CENPC: variants seen among roughly 807,000 people sequenced by gnomAD.
The protein encoded by CENPC is CENP-C 1.
A neutral mutation model predicts 112.1 loss-of-function variants in CENPC; 63 were observed. That is an observed-to-expected ratio of 0.56 (90% CI 0.46 to 0.69). The LOEUF (loss-of-function observed/expected upper bound fraction) is 0.69, where lower values mean the gene tolerates loss of function less well. CENPC is among the 30% of genes least tolerant of loss of function. CENPC has a pLI of 0.00. For missense variants in CENPC, 1,000 were observed against 1,103.8 expected, an observed-to-expected ratio of 0.91 and a Z score of 1.33; for synonymous variants, 333 against 367.6, an observed-to-expected ratio of 0.91 and a Z score of 1.08.
At chr4:67,500,289 T>G (rs777512938) in intron 12 of CENPC, among the ~76,000 whole-genome samples, 2 of 152,170 alleles carry the variant, frequency 1.3e-5, no homozygotes, top group African/African-American at 4.8e-5. Context: ...AAGGTATGCC[T>G]GTATAAATAT....
intron 12 of CENPC, among the ~76,000 whole-genome samples, chr4:67,499,749 G>A (rs761979452): frequency 2.6e-5 from 4 of 151,974 alleles, no homozygotes; most frequent in Non-Finnish European, 5.9e-5. Context: ...TTGGCTGTTT[G>A]GTGCCCGAGG....
At chr4:67,487,940 G>C (rs1029931691) in intron 17 of CENPC, among the ~76,000 whole-genome samples, 1 of 151,262 alleles carries the variant, frequency 6.6e-6, no homozygotes, top group African/African-American at 2.4e-5. Context: ...ATTTGTAAGT[G>C]TGCTTCATGT....
Position 67,514,299 on chromosome 4 carries a change from C to A in CENPC, c.1219G>T (p.Ala407Ser). The change falls in exon 8 of 19, where the codon GCA becomes TCA. Residue 407 changes from alanine (A) to serine (S), a missense_variant. Physicochemically the swap from Ala to Ser is moderately conservative, Grantham distance 99. Transcript: ENST00000273853. ...CTTTTGCTTCTAGATGGTTTTTCTGCATTCTTGGAATACATTTCATATTTT... is the reference window on the plus strand; with the variant it reads ...CTTTTGCTTCTAGATGGTTTTTCTGAATTCTTGGAATACATTTCATATTTT... ...STKYEMYSKN[A>S]EKPSRSKRTI... The A allele has an allele frequency of 6.2e-7, 1 of 1,609,878 alleles. No homozygotes were observed.
intron 10 of CENPC, among the ~76,000 whole-genome samples, chr4:67,507,599 G>A (rs1460864172): frequency 6.6e-6 from 1 of 152,150 alleles, no homozygotes; most frequent in Non-Finnish European, 1.5e-5. Flanking sequence ...CCATGAATCA[G>A]TAATCAAAAA....
In CENPC at chr4:67,508,840, A is replaced by G. The variant is rs757462230; in HGVS notation, c.1878T>C (p.Ala626=). The G allele has an allele frequency of 1.2e-6, 2 of 1,613,448 alleles. No individual in the cohort carries two copies. Among genetic ancestry groups the G allele is most frequent in the Non-Finnish European group, 1.7e-6 (2 of 1,179,682 alleles). The change falls in exon 10 of 19, where the codon GCT becomes GCC. Residue 626 remains alanine, a synonymous_variant. Coordinates refer to ENST00000273853, the MANE Select transcript of CENPC (RefSeq NM_001812.4). ...TAGAACAATCAAGATTTTTCTTCTT[A>G]GCCAAGTCTGCCTCATCACTTTCCA... ...EPLESDEADL[A]KKKNLDCSRS... is the part of the protein sequence containing the mutation.
chr4:67,520,740 A>T (rs1726201702), intron 5 of CENPC, among the ~76,000 whole-genome samples: 1 of 152,180 alleles, frequency 6.6e-6, no homozygotes, highest in African/African-American at 2.4e-5. Flanking sequence ...GGCTGGGCGC[A>T]GTGGTTCATG....
chr4:67,513,275 T>C (rs1577991936), intron 8 of CENPC, among the ~76,000 whole-genome samples: 2 of 152,182 alleles, frequency 1.3e-5, no homozygotes, highest in East Asian at 3.9e-4. Flanking sequence ...AACTGTAAGA[T>C]AATCAATGTT....
At chr4:67,507,654 C>T (rs1725774189) in intron 10 of CENPC, among the ~76,000 whole-genome samples, 1 of 152,072 alleles carries the variant, frequency 6.6e-6, no homozygotes, top group Admixed American at 6.6e-5. Context: ...GGCTTCACTG[C>T]TTTTACCAAA....
intron 12 of CENPC, among the ~76,000 whole-genome samples, chr4:67,498,373 G>A (rs1725498667): frequency 1.3e-5 from 2 of 152,168 alleles, no homozygotes; most frequent in Admixed American, 1.3e-4. Context: ...GTCTGTGGCA[G>A]TTTCTTAAAA....
Position 67,472,453 on chromosome 4 carries a change from A to T in CENPC, c.*152T>A. ...AAAAATCAGAAAAAACATGTGAGTT[A>T]GAAATGTTTATCAAATACAAGTCTA... On this transcript the variant is annotated 3_prime_UTR_variant, in exon 19 of 19. Coordinates refer to ENST00000273853, the MANE Select transcript of CENPC (RefSeq NM_001812.4). 1 of 1,038,334 alleles carries T rather than the reference A, an allele frequency of 9.6e-7. No individual in the cohort carries two copies. The highest frequency in any genetic ancestry group is 1.2e-6 in the Non-Finnish European group (1 of 802,164). The allele number at this position is 1,038,334 out of a possible 1,614,324, so 64.3% of individuals were successfully genotyped here.
intron 4 of CENPC, among the ~76,000 whole-genome samples, chr4:67,534,402 T>C (rs1432101060): frequency 6.6e-6 from 1 of 152,082 alleles, no homozygotes; most frequent in East Asian, 1.9e-4. Context: ...GGAGTGCTTT[T>C]TCTCAAAAAA....
In CENPC at chr4:67,496,808, CAT is replaced by C. The variant is rs201561629; in HGVS notation, c.2132-1598_2132-1597del. On this transcript the variant is annotated intron_variant, in intron 12 of 18. Transcript: ENST00000273853. Reference sequence around the variant, plus strand: ...ATCGATTGTGTCAATGACTACATATCATTGATTTGTACACTCTAAGTGGATTA... The same window carrying C: ...ATCGATTGTGTCAATGACTACATATCTGATTTGTACACTCTAAGTGGATTA... Among the ~76,000 whole-genome samples, 551 of 152,168 alleles carry C rather than the reference CAT, an allele frequency of 3.6e-3. 1 individual carries two copies. Among genetic ancestry groups the C allele is most frequent in the African/African-American group, 0.013 (526 of 41,504 alleles).
chr4:67,501,409 T>C (rs373671319), intron 12 of CENPC, among the ~76,000 whole-genome samples: 139 of 152,288 alleles, frequency 9.1e-4, no homozygotes, highest in African/African-American at 2.7e-3. Flanking sequence ...CCTAACCCTA[T>C]AGCATCATTT....
In CENPC at chr4:67,493,016, A is replaced by G. The variant is rs368463790; in HGVS notation, c.2291-19T>C. 1.9e-5 allele frequency: 28 copies of G among 1,505,364 alleles called. No homozygotes were observed. In the African/African-American group the frequency reaches 2.6e-4, roughly 14 times the overall value. The allele number at this position is 1,505,364 out of a possible 1,614,324, so 93.3% of individuals were successfully genotyped here. A position where few individuals can be genotyped will look rare whatever the true frequency, so the allele number is the denominator to read the frequency against. On this transcript the variant is annotated intron_variant, in intron 14 of 18. Transcript: ENST00000273853. ...AATCCTCCTGAAATTTAACAAAAAA[A>G]GTAAAATATACATGGGAAAGACAAA...
chr4:67,496,981 T>A (rs1414695436), intron 12 of CENPC, among the ~76,000 whole-genome samples: 1 of 143,402 alleles, frequency 7.0e-6, no homozygotes, highest in Non-Finnish European at 1.5e-5. Context: ...CCTGTGACAC[T>A]GGGCCTCGGA....
intron 13 of CENPC, 127 bp from the exon 14 acceptor site, chr4:67,494,115 G>A: frequency 7.4e-6 from 4 of 537,982 alleles, no homozygotes; most frequent in Admixed American, 3.7e-5. Context: ...CTAGACAAAA[G>A]ACTAGAAAAA....
chr4:67,475,084 G>C (rs1208905518), intron 17 of CENPC, 106 bp from the exon 18 acceptor site: 1 of 652,418 alleles, frequency 1.5e-6, no homozygotes, highest in Non-Finnish European at 2.7e-6. Context: ...CAAATGTGCT[G>C]GCTTTAATCT....
chr4:67,523,055 T>A (rs1191842129), intron 5 of CENPC, among the ~76,000 whole-genome samples: 1 of 152,034 alleles, frequency 6.6e-6, no homozygotes, highest in Non-Finnish European at 1.5e-5. Flanking sequence ...CTCACACTTA[T>A]AATCCCAGCC....
chr4:67,493,834 T>C (rs559331468), intron 14 of CENPC, 50 bp downstream of exon 14: 29 of 1,234,116 alleles, frequency 2.3e-5, no homozygotes, highest in Non-Finnish European at 3.0e-5. Context: ...GTCTGGCACA[T>C]AGTAAACAAA....
Sources: gnomAD v4.1 joint callset for allele counts (sites outside exome capture counted in the v4.1 genomes callset) on GRCh38, gnomAD v4.1.1 for gene constraint, MANE v1.5 for transcripts, NCBI Gene and HGNC (gene_info 2026-07-23, HGNC 2026-07-21) for gene names.